Variants in IQCM observed in about 807,000 individuals in gnomAD.
IQCM encodes IQ motif containing M, also known as IQ domain-containing protein M.
Under a neutral mutation model 57.6 loss-of-function variants are expected in IQCM, and 45 were observed. The ratio of observed to expected loss-of-function variants is 0.78; its 90% confidence interval spans 0.62 to 1.00. The LOEUF (loss-of-function observed/expected upper bound fraction) is 1.00, where lower values mean the gene tolerates loss of function less well. Ranked by LOEUF, IQCM falls within the 50% of genes least tolerant of loss-of-function variation. The pLI is 0.00. For missense variants in IQCM, 468 were observed against 511.6 expected, an observed-to-expected ratio of 0.91 and a Z score of 0.82; for synonymous variants, 148 against 158.9, an observed-to-expected ratio of 0.93 and a Z score of 0.51.
chr4:149,699,552 T>A (rs1763602801), intron 5 of IQCM, among the ~76,000 whole-genome samples: 1 of 151,890 alleles, frequency 6.6e-6, no homozygotes, highest in African/African-American at 2.4e-5. Flanking sequence ...ATATCCCTAG[T>A]CAGCCAATCC....
chr4:149,369,507 C>G (rs1225429227), intron 13 of IQCM, among the ~76,000 whole-genome samples: 2 of 152,106 alleles, frequency 1.3e-5, no homozygotes, highest in African/African-American at 4.8e-5. Flanking sequence ...TTGGTATATT[C>G]CTTAACCTTC....
At chr4:149,773,101 C>T (rs1488104205) in intron 2 of IQCM, among the ~76,000 whole-genome samples, 1 of 152,178 alleles carries the variant, frequency 6.6e-6, no homozygotes, top group Non-Finnish European at 1.5e-5. Context: ...CCTCTAATCC[C>T]AGCACTTTGG....
chr4:149,733,642 A>G, intron 4 of IQCM, 134 bp from the exon 5 acceptor site: 1 of 420,404 alleles, frequency 2.4e-6, no homozygotes, highest in Non-Finnish European at 4.0e-6. Context: ...ACCTTGCTAT[A>G]TAAGACATTT....
chr4:149,427,142 C>A (rs979111783), intron 13 of IQCM, among the ~76,000 whole-genome samples: 1 of 151,868 alleles, frequency 6.6e-6, no homozygotes, highest in Non-Finnish European at 1.5e-5. Flanking sequence ...GACCCAGGAA[C>A]CAACAACAGT....
intron 11 of IQCM, among the ~76,000 whole-genome samples, chr4:149,550,631 A>G (rs780798183): frequency 2.0e-5 from 3 of 152,218 alleles, no homozygotes; most frequent in Non-Finnish European, 2.9e-5. Context: ...TTCAAGGATG[A>G]TATATTTAGG....
At chr4:149,515,163 C>T (rs1229556977) in intron 12 of IQCM, among the ~76,000 whole-genome samples, 1 of 149,988 alleles carries the variant, frequency 6.7e-6, no homozygotes. Flanking sequence ...AGAGCAAGGC[C>T]CTGCCATCTT....
At chr4:149,694,311 G>T (rs1049969065) in intron 5 of IQCM, among the ~76,000 whole-genome samples, 1 of 133,968 alleles carries the variant, frequency 7.5e-6, no homozygotes, top group Admixed American at 8.3e-5. Context: ...TGCAAGCTCC[G>T]CCTCCCGGGT....
intron 8 of IQCM, among the ~76,000 whole-genome samples, chr4:149,596,076 A>G (rs1753748658): frequency 6.6e-6 from 1 of 152,196 alleles, no homozygotes; most frequent in Non-Finnish European, 1.5e-5. Context: ...TTAAAACCAC[A>G]GAAATTTAAT....
chr4:149,791,039 T>A lies in IQCM; in HGVS notation c.-49+24272A>T, dbSNP rs74722779. Among the ~76,000 whole-genome samples, 446 of 152,252 alleles carry A rather than the reference T, an allele frequency of 2.9e-3. 1 individual carries two copies. Among genetic ancestry groups the A allele is most frequent in the Non-Finnish European group, 4.7e-3 (321 of 68,008 alleles). ...TATGTTGAGAAGCACTTACCTCATT[T>A]TAGAGCAAAGTTTATAGATAATCAG... is the stretch of plus-strand genomic sequence containing the variant. On this transcript the variant is annotated intron_variant, in intron 2 of 13. Transcript: ENST00000636793.
intron 2 of IQCM, among the ~76,000 whole-genome samples, chr4:149,797,144 G>A (rs1468472710): frequency 7.9e-5 from 12 of 152,106 alleles, no homozygotes; most frequent in Admixed American, 7.9e-4. Context: ...TGGCTGTGTA[G>A]AGGAAACTCA....
At chr4:149,628,353 G>A (rs915045237) in intron 7 of IQCM, among the ~76,000 whole-genome samples, 1 of 152,046 alleles carries the variant, frequency 6.6e-6, no homozygotes, top group African/African-American at 2.4e-5. Context: ...AAATAAAAAT[G>A]AGAATTAGCA....
At chr4:149,756,538 G>A (rs888972422) in intron 2 of IQCM, among the ~76,000 whole-genome samples, 2 of 151,792 alleles carry the variant, frequency 1.3e-5, no homozygotes, top group Non-Finnish European at 2.9e-5. Context: ...AAGCTTCACA[G>A]GAAGAAGAAA....
chr4:149,419,784 C>A (rs946469901), intron 13 of IQCM, among the ~76,000 whole-genome samples: 1 of 151,942 alleles, frequency 6.6e-6, no homozygotes, highest in African/African-American at 2.4e-5. Flanking sequence ...GAAACTTAAA[C>A]AAATTTACAA....
rs575522754 is a variant in IQCM, at chr4:149,676,233, G to C, written c.565+5885C>G. ...AGCAAAAATAGCAGACTCCACGAAG[G>C]GCTACAGTTATTGTATTTACACAAG... On this transcript the variant is annotated intron_variant, in intron 7 of 13. Transcript: ENST00000636793. Among the ~76,000 whole-genome samples the C allele has an allele frequency of 2.0e-5, 3 of 151,998 alleles. No homozygotes were observed. The East Asian group carries it at 5.8e-4, about 30-fold the overall frequency.
In IQCM at chr4:149,733,341, G is replaced by C. The variant is rs149502543; in HGVS notation, c.288C>G (p.Ser96Arg). ...GTTGTGGGGGTTCCTGAAGATGCTC[G>C]CTTTTGGAAAGCTCCTTGGGAAAGC... ...RICFPKELSK[S>R]EHLQEPPQRI... Residue 96 changes from serine (S) to arginine (R), a missense_variant, in exon 5 of 14, where the codon AGC becomes AGG. Ser to Arg is a moderately radical substitution (Grantham distance 110). Transcript: ENST00000636793. The C allele has an allele frequency of 0.025, 30,696 of 1,231,722 alleles. 439 individuals carry two copies. Among genetic ancestry groups the C allele is most frequent in the Non-Finnish European group, 0.028 (27,528 of 987,722 alleles). 76.3% of individuals were successfully genotyped at this position (1,231,722 alleles called of 1,614,324 possible).
Position 149,372,051 on chromosome 4 carries a change from C to A in IQCM, c.1391-19985G>T, listed in dbSNP as rs189475692. 5.9e-5 allele frequency among the ~76,000 whole-genome samples: 9 copies of A among 152,240 alleles called. No individual in the cohort carries two copies. The East Asian group carries it at 1.7e-3, about 29-fold the overall frequency. ...ACTTTCTGATAAGTACTTTAATTAT[C>A]CCTATTCACAACTAACGAGGAAACT... On this transcript the variant is annotated intron_variant, in intron 13 of 13. Transcript: ENST00000636793.
intron 13 of IQCM, among the ~76,000 whole-genome samples, chr4:149,388,828 AT>A (rs1247703185): frequency 2.0e-5 from 3 of 148,910 alleles, no homozygotes; most frequent in African/African-American, 7.4e-5. Context: ...TTCTTTGCCT[AT>A]TTTTAAATTA....
intron 2 of IQCM, among the ~76,000 whole-genome samples, chr4:149,764,717 G>T (rs949787754): frequency 1.5e-4 from 23 of 152,098 alleles, no homozygotes; most frequent in African/African-American, 5.6e-4. Flanking sequence ...ACTCTCTAGT[G>T]CAGGAACAGG....
At position 149,726,983 on chromosome 4, in the gene IQCM, C is replaced by G. The variant is rs539112250; in HGVS notation, c.385+6261G>C. On this transcript the variant is annotated intron_variant, in intron 5 of 13. Transcript: ENST00000636793. ...GTTAGCCAGGCTGATCTCCTGCCCTCAAGTGATCTGTCCGCCTCGGCCTCC... is the reference window on the plus strand; with the variant it reads ...GTTAGCCAGGCTGATCTCCTGCCCTGAAGTGATCTGTCCGCCTCGGCCTCC... Among the ~76,000 whole-genome samples the G allele has an allele frequency of 9.2e-5, 14 of 152,108 alleles. No homozygotes were observed. The East Asian group carries it at 1.9e-3, about 21-fold the overall frequency.
Sources: allele counts gnomAD v4.1 joint callset (sites outside exome capture counted in the v4.1 genomes callset), GRCh38; gene constraint gnomAD v4.1.1; transcripts MANE v1.5; gene names NCBI Gene and HGNC (gene_info 2026-07-23, HGNC 2026-07-21).